Variants in PARP8 observed in about 807,000 individuals in gnomAD.
PARP8 encodes the protein poly(ADP-ribose) polymerase family member 8.
A neutral mutation model predicts 124.1 loss-of-function variants in PARP8; 51 were observed. The ratio of observed to expected loss-of-function variants is 0.41; its 90% CI spans 0.33 to 0.52. The LOEUF is 0.52. Ranked by LOEUF, PARP8 falls within the 20% of genes least tolerant of loss-of-function variation. The pLI is 0.21. For missense variants in PARP8, 860 were observed against 1,018.9 expected, an observed-to-expected ratio of 0.84 and a Z score of 2.12; for synonymous variants, 391 against 361.5, an observed-to-expected ratio of 1.08 and a Z score of -0.93.
At chr5:50,773,832 A>AT (rs35571636) in intron 7 of PARP8, among the ~76,000 whole-genome samples, 7,279 of 136,046 alleles carry the variant, frequency 0.054, 455 homozygotes, top group African/African-American at 0.16. Flanking sequence ...TATTTCATTA[A>AT]TTTTTTTTTT....
intron 16 of PARP8, 93 bp from the exon 17 acceptor site, chr5:50,822,242 C>T: frequency 2.2e-6 from 2 of 907,708 alleles, no homozygotes; most frequent in Non-Finnish European, 3.6e-6. Flanking sequence ...GGAAAATTCA[C>T]ATATGGAAAT....
intron 2 of PARP8, among the ~76,000 whole-genome samples, chr5:50,732,859 C>T (rs934725691): frequency 6.6e-6 from 1 of 151,938 alleles, no homozygotes; most frequent in Non-Finnish European, 1.5e-5. Context: ...ACCTCATGAT[C>T]TGCCAGCCTT....
intron 2 of PARP8, among the ~76,000 whole-genome samples, chr5:50,707,810 C>T (rs1378807315): frequency 6.6e-6 from 1 of 152,074 alleles, no homozygotes; most frequent in African/African-American, 2.4e-5. Context: ...AGTCTTATAT[C>T]AACCTTATTT....
intron 2 of PARP8, among the ~76,000 whole-genome samples, chr5:50,711,415 T>G (rs543876936): frequency 6.6e-6 from 1 of 152,116 alleles, no homozygotes; most frequent in African/African-American, 2.4e-5. Context: ...ACTGATTGAT[T>G]CAGGGCTGTC....
At position 50,841,973 on chromosome 5, in the gene PARP8, G is replaced by A. The variant is rs1748231613; in HGVS notation, c.2470G>A (p.Asp824Asn). Residue 824 changes from aspartate to asparagine, a missense_variant, in exon 26 of 26, where the codon GAC (aspartate) becomes AAC (asparagine). Physicochemically the swap from Asp to Asn is conservative, Grantham distance 23 (BLOSUM62 1). This residue lies in a region of PARP8 where 343 missense variants were observed against 474.7 expected (regional missense o/e 0.72). Coordinates refer to ENST00000281631, the MANE Select transcript of PARP8 (RefSeq NM_024615.4). ...TTATGTTTTGTATTTCAGCTATGAA[G>A]ACGGCCAAGTGGGAGATGCAAATAT... ...VCTRFFFVYE[D>N]GQVGDANINT... is the part of the protein sequence containing the mutation. 2 of 1,592,448 alleles carry A rather than the reference G, an allele frequency of 1.3e-6. No individual in the cohort carries two copies. Among genetic ancestry groups the A allele is most frequent in the African/African-American group, 2.7e-5 (2 of 73,506 alleles).
chr5:50,829,819 T>G, intron 21 of PARP8, 73 bp from the exon 22 acceptor site: 1 of 1,402,882 alleles, frequency 7.1e-7, no homozygotes, highest in Non-Finnish European at 9.5e-7. Context: ...GACATGAAAC[T>G]GATTGCTTTG....
At chr5:50,789,797 A>G (rs1741741262) in intron 10 of PARP8, among the ~76,000 whole-genome samples, 1 of 152,248 alleles carries the variant, frequency 6.6e-6, no homozygotes, top group African/African-American at 2.4e-5. Flanking sequence ...TTGTATGCTT[A>G]AAGCCTGGTT....
At chr5:50,781,727 A>T (rs146672623) in intron 9 of PARP8, among the ~76,000 whole-genome samples, 2 of 152,180 alleles carry the variant, frequency 1.3e-5, no homozygotes, top group East Asian at 3.9e-4. Context: ...AGTTTTTTTA[A>T]TCTTCCCTTC....
At chr5:50,733,306 A>C (rs1305603330) in intron 2 of PARP8, among the ~76,000 whole-genome samples, 1 of 147,326 alleles carries the variant, frequency 6.8e-6, no homozygotes, top group African/African-American at 2.6e-5. Flanking sequence ...AAACCAAAAC[A>C]AAAAAAAAAT....
At chr5:50,792,414 T>G (rs968506067) in intron 10 of PARP8, among the ~76,000 whole-genome samples, 10 of 152,240 alleles carry the variant, frequency 6.6e-5, no homozygotes, top group African/African-American at 2.4e-4. Flanking sequence ...TGATTTTAGA[T>G]GTTGAATCAC....
At chr5:50,799,786 G>T (rs1244198649) in intron 14 of PARP8, among the ~76,000 whole-genome samples, 2 of 152,092 alleles carry the variant, frequency 1.3e-5, no homozygotes, top group African/African-American at 4.8e-5. Context: ...TCATGAACAG[G>T]AATAGTGCCT....
Position 50,761,964 on chromosome 5 carries a change from A to C in PARP8, c.423+66A>C. 2.9e-6 allele frequency: 3 copies of C among 1,030,786 alleles called. No individual in the cohort carries two copies. In the Admixed American group the frequency reaches 6.2e-5, roughly 21 times the overall value. 63.9% of individuals were successfully genotyped at this position (1,030,786 alleles called of 1,614,324 possible). A position where few individuals can be genotyped will look rare whatever the true frequency, so the allele number is the denominator to read the frequency against. On this transcript the variant is annotated intron_variant, in intron 6 of 25. Transcript: ENST00000281631. ...CTAATAGCCATGTTGTCCTAGTGGT[A>C]ATCTGTGCCTGAGAGTTAAGGGACC...
intron 3 of PARP8, among the ~76,000 whole-genome samples, chr5:50,754,882 GGTGTGAGATGGTATCTCATT>G (rs1429464413): frequency 1.3e-5 from 2 of 152,116 alleles, no homozygotes; most frequent in African/African-American, 4.8e-5. Context: ...CATTCTAAGT[GGTGTGAGATGGTATCTCATT>G]GTGGTTTTGA....
chr5:50,833,224 G>A (rs1177099838), intron 23 of PARP8, among the ~76,000 whole-genome samples: 1 of 152,080 alleles, frequency 6.6e-6, no homozygotes, highest in Admixed American at 6.6e-5. Context: ...TCAGGGAAAT[G>A]AGACATTTAA....
intron 2 of PARP8, among the ~76,000 whole-genome samples, chr5:50,730,628 A>G (rs990836298): frequency 1.3e-5 from 2 of 152,126 alleles, no homozygotes; most frequent in Non-Finnish European, 2.9e-5. Flanking sequence ...TCACAAACCA[A>G]TTCTTATTTC....
chr5:50,770,489 A>T (rs1233873164), intron 7 of PARP8, among the ~76,000 whole-genome samples: 1 of 152,002 alleles, frequency 6.6e-6, no homozygotes, highest in African/African-American at 2.4e-5. Flanking sequence ...CAGATCTGTG[A>T]ACTACAAATG....
chr5:50,828,412 C>T (rs1457603506), intron 21 of PARP8, 28 bp downstream of exon 21: 3 of 1,565,590 alleles, frequency 1.9e-6, no homozygotes, highest in Non-Finnish European at 2.6e-6. Flanking sequence ...TTTCACAAGA[C>T]TTCATTCTTC....
At chr5:50,721,455 T>A (rs1298384627) in intron 2 of PARP8, among the ~76,000 whole-genome samples, 1 of 152,150 alleles carries the variant, frequency 6.6e-6, no homozygotes, top group Non-Finnish European at 1.5e-5. Context: ...TTGTAATTTA[T>A]CTCAGAGTTC....
chr5:50,677,924 TAA>T (rs34570578), intron 2 of PARP8, among the ~76,000 whole-genome samples: 2 of 143,340 alleles, frequency 1.4e-5, no homozygotes, highest in African/African-American at 2.5e-5. Context: ...TTACAGAAAT[TAA>T]AAAAAAAAAA....
Sources: allele counts gnomAD v4.1 joint callset (sites outside exome capture counted in the v4.1 genomes callset), GRCh38; gene constraint gnomAD v4.1.1; regional missense constraint gnomAD v4.1.1; transcripts MANE v1.5; gene names NCBI Gene and HGNC (gene_info 2026-07-23, HGNC 2026-07-21).